Variants in LMBRD1 observed in about 807,000 individuals in gnomAD.
The protein encoded by LMBRD1 is lysosomal cobalamin transport escort protein LMBD1.
LMBRD1 carries 64 observed loss-of-function variants against 74.8 expected under a neutral mutation model. The observed-to-expected ratio is 0.86, with a 90% confidence interval of 0.70 to 1.05. The LOEUF is 1.05. LMBRD1 is among the 50% of genes least tolerant of loss of function. The pLI, the probability that LMBRD1 is intolerant of heterozygous loss-of-function variation, is 0.00. For synonymous variants in LMBRD1, 204 were observed against 216.3 expected (o/e 0.94, Z 0.50); for missense variants, 652 against 645.9 (o/e 1.01, Z -0.10).
intron 6 of LMBRD1, among the ~76,000 whole-genome samples, chr6:69,739,233 A>C (rs898825825): frequency 1.3e-5 from 2 of 152,184 alleles, no homozygotes; most frequent in Non-Finnish European, 2.9e-5. Context: ...ACATGCTGAC[A>C]TATTTGGCCA....
intron 6 of LMBRD1, among the ~76,000 whole-genome samples, chr6:69,740,304 A>C (rs571450376): frequency 6.6e-6 from 1 of 152,314 alleles, no homozygotes; most frequent in African/African-American, 2.4e-5. Context: ...AGACAAAAAA[A>C]ATAAAGACTA....
At chr6:69,709,891 A>T (rs2149850556) in intron 9 of LMBRD1, among the ~76,000 whole-genome samples, 1 of 152,298 alleles carries the variant, frequency 6.6e-6, no homozygotes, top group Non-Finnish European at 1.5e-5. Flanking sequence ...GAAATTTAAG[A>T]TGTAAATAAA....
chr6:69,726,807 G>GT (rs1324676561), intron 7 of LMBRD1, among the ~76,000 whole-genome samples: 2 of 151,790 alleles, frequency 1.3e-5, no homozygotes, highest in Non-Finnish European at 2.9e-5. Context: ...GTAAGACCCA[G>GT]TATTTGAAAG....
At chr6:69,742,695 AT>A (rs1440787724) in intron 5 of LMBRD1, among the ~76,000 whole-genome samples, 5 of 152,134 alleles carry the variant, frequency 3.3e-5, no homozygotes, top group African/African-American at 4.8e-5. Context: ...AAGTGATAAG[AT>A]TTATCCTCTG....
At position 69,676,437 on chromosome 6, in the gene LMBRD1, T is replaced by C. The variant is rs1485623826; in HGVS notation, c.1509+13A>G. Reference sequence around the variant, plus strand: ...AAGGAAGGTCAAATCACGCGTGGGATATCTGCACTTACCCCAAGAAAGGCC... The same window carrying C: ...AAGGAAGGTCAAATCACGCGTGGGACATCTGCACTTACCCCAAGAAAGGCC... On this transcript the variant is annotated intron_variant, in intron 15 of 15. Coordinates refer to ENST00000649934, the MANE Select transcript of LMBRD1 (RefSeq NM_018368.4). The C allele has an allele frequency of 3.1e-6, 5 of 1,607,936 alleles. No individual in the cohort carries two copies. Among genetic ancestry groups the C allele is most frequent in the Non-Finnish European group, 3.4e-6 (4 of 1,174,752 alleles).
chr6:69,748,256 C>T (rs765681486), intron 5 of LMBRD1, among the ~76,000 whole-genome samples: 3 of 152,072 alleles, frequency 2.0e-5, no homozygotes, highest in Admixed American at 6.5e-5. Context: ...TGCTGATTCC[C>T]GCTCCAGATA....
At chr6:69,763,833 C>T (rs1765422749) in intron 3 of LMBRD1, among the ~76,000 whole-genome samples, 1 of 152,176 alleles carries the variant, frequency 6.6e-6, no homozygotes, top group Admixed American at 6.5e-5. Context: ...AGGTTTTTTA[C>T]TTTATTGAAA....
At chr6:69,725,490 C>T (rs1435333021) in intron 7 of LMBRD1, among the ~76,000 whole-genome samples, 1 of 151,998 alleles carries the variant, frequency 6.6e-6, no homozygotes, top group Non-Finnish European at 1.5e-5. Flanking sequence ...AATTCTATTA[C>T]AGAGCTATAG....
intron 3 of LMBRD1, among the ~76,000 whole-genome samples, chr6:69,766,964 G>C (rs1440906431): frequency 6.6e-6 from 1 of 151,476 alleles, no homozygotes; most frequent in Non-Finnish European, 1.5e-5. Flanking sequence ...AATTGTCTAG[G>C]AATTTATCCA....
At chr6:69,694,733 T>C (rs1028697188) in intron 14 of LMBRD1, among the ~76,000 whole-genome samples, 1 of 152,068 alleles carries the variant, frequency 6.6e-6, no homozygotes, top group African/African-American at 2.4e-5. Flanking sequence ...ATCCATTCCT[T>C]CCCCCAAACA....
At chr6:69,730,872 G>A (rs1172169720) in intron 7 of LMBRD1, among the ~76,000 whole-genome samples, 2 of 152,012 alleles carry the variant, frequency 1.3e-5, no homozygotes, top group Non-Finnish European at 2.9e-5. Flanking sequence ...TTCTGCTTAG[G>A]TATATGCAAA....
intron 15 of LMBRD1, 64 bp downstream of exon 15, chr6:69,676,386 G>C (rs111890332): frequency 9.5e-6 from 15 of 1,575,852 alleles, no homozygotes; most frequent in Non-Finnish European, 1.2e-5. Context: ...GATAAAAAGA[G>C]TTTACACATT....
intron 2 of LMBRD1, among the ~76,000 whole-genome samples, chr6:69,782,887 A>G (rs1180606058): frequency 6.6e-6 from 1 of 152,198 alleles, no homozygotes; most frequent in Non-Finnish European, 1.5e-5. Context: ...TTACCCAACA[A>G]TATTCGGTGT....
Position 69,721,366 on chromosome 6 carries a change from G to A in LMBRD1, c.637-2285C>T, listed in dbSNP as rs567809041. Among the ~76,000 whole-genome samples the A allele has an allele frequency of 3.3e-5, 5 of 152,264 alleles. No individual in the cohort carries two copies. The East Asian group carries it at 7.7e-4, about 24-fold the overall frequency. ...AGGAAAGGAGAGGGAAGAGTAAAGA[G>A]AACTTTGTTTTGCGTCTTGGATACC... On this transcript the variant is annotated intron_variant, in intron 7 of 15. Coordinates refer to ENST00000649934, the MANE Select transcript of LMBRD1 (RefSeq NM_018368.4).
intron 9 of LMBRD1, among the ~76,000 whole-genome samples, chr6:69,710,811 T>C (rs1419630227): frequency 1.3e-5 from 2 of 152,148 alleles, no homozygotes; most frequent in South Asian, 4.1e-4. Context: ...AGACACTACA[T>C]AAGAGTTGAC....
intron 7 of LMBRD1, among the ~76,000 whole-genome samples, chr6:69,731,974 A>C (rs1486361126): frequency 6.6e-6 from 1 of 152,160 alleles, no homozygotes; most frequent in Admixed American, 6.6e-5. Context: ...ACTAAATATA[A>C]AACAAAGATT....
intron 14 of LMBRD1, among the ~76,000 whole-genome samples, chr6:69,695,827 T>A (rs1372230385): frequency 6.9e-6 from 1 of 145,744 alleles, no homozygotes; most frequent in Non-Finnish European, 1.5e-5. Flanking sequence ...TTTACAATTT[T>A]TCTAACCTTA....
intron 8 of LMBRD1, among the ~76,000 whole-genome samples, chr6:69,716,822 G>T (rs1194539437): frequency 6.6e-6 from 1 of 151,368 alleles, no homozygotes; most frequent in African/African-American, 2.4e-5. Context: ...ATACAATTCA[G>T]CAGGATAATT....
intron 3 of LMBRD1, among the ~76,000 whole-genome samples, chr6:69,774,569 T>C (rs1210230856): frequency 6.6e-6 from 1 of 152,090 alleles, no homozygotes. Context: ...CATGCAGGGG[T>C]TGTAGAAATA....
Sources: allele counts gnomAD v4.1 joint callset (sites outside exome capture counted in the v4.1 genomes callset), GRCh38; gene constraint gnomAD v4.1.1; transcripts MANE v1.5; gene names NCBI Gene and HGNC (gene_info 2026-07-23, HGNC 2026-07-21).